MRPL12: variants seen among roughly 807,000 people sequenced by gnomAD.
MRPL12 encodes the protein large ribosomal subunit protein bL12m.
MRPL12 carries 13 observed loss-of-function variants against 21.1 expected under a neutral mutation model. That is an observed-to-expected ratio of 0.62 (90% CI 0.40 to 0.98). The LOEUF (loss-of-function observed/expected upper bound fraction) is 0.98, where lower values mean the gene tolerates loss of function less well. MRPL12 is among the 50% of genes least tolerant of loss of function. The probability of loss-of-function intolerance (pLI) is 0.00; values close to 1 mark genes in which losing one functional copy is unlikely to be tolerated. For missense variants in MRPL12, 251 were observed against 268.6 expected (o/e 0.93, Z 0.46); for synonymous variants, 126 against 115.3 (o/e 1.09, Z -0.60).
At chr17:81,704,607 G>A (rs761914132) in intron 2 of MRPL12, 26 bp from the exon 3 acceptor site, 1 of 1,613,056 alleles carries the variant, frequency 6.2e-7, no homozygotes, top group Non-Finnish European at 8.5e-7. Flanking sequence ...AGGGCCAGCT[G>A]TGGACACTGT....
Position 81,707,506 on chromosome 17 carries a change from CTG to C in MRPL12, c.*269_*270del. On this transcript the variant is annotated 3_prime_UTR_variant, in exon 5 of 5. Coordinates refer to ENST00000333676, the MANE Select transcript of MRPL12 (RefSeq NM_002949.4). ...TCTGGTGGCTGCTGAGAAAAATACA[CTG>C]TGCAGCTCAGTGTGTGGAGTGCCGT... 1 of 431,566 alleles carries C rather than the reference CTG, an allele frequency of 2.3e-6. No individual in the cohort carries two copies. The highest frequency in any genetic ancestry group is 4.1e-5 in the Admixed American group (1 of 24,556). 26.7% of individuals were successfully genotyped at this position (431,566 alleles called of 1,614,324 possible).
At position 81,707,253 on chromosome 17, in the gene MRPL12, A is replaced by T. The variant is rs772984062; in HGVS notation, c.*13A>T. The T allele has an allele frequency of 2.5e-6, 4 of 1,569,216 alleles. No homozygotes were observed. The highest frequency in any genetic ancestry group is 1.8e-4 in the Middle Eastern group (1 of 5,542). On this transcript the variant is annotated 3_prime_UTR_variant, in exon 5 of 5. Coordinates refer to ENST00000333676, the MANE Select transcript of MRPL12 (RefSeq NM_002949.4). ...GGTTCTGGAGTAGCCTCCAGCTCGGAGGACTTGTGTTCAGGGGTCCTGGGC... is the reference window on the plus strand; with the variant it reads ...GGTTCTGGAGTAGCCTCCAGCTCGGTGGACTTGTGTTCAGGGGTCCTGGGC...
At chr17:81,703,862 G>T (rs139527227) in intron 1 of MRPL12, among the ~76,000 whole-genome samples, 57 of 152,360 alleles carry the variant, frequency 3.7e-4, no homozygotes, top group African/African-American at 1.3e-3. Context: ...CGTGGGTGCG[G>T]CGTTTTGCGG....
In MRPL12 at chr17:81,703,450, G is replaced by T; in HGVS notation, c.-52G>T. ...GAATGCCCGGCGGCCGAGGCGGCTA[G>T]AGCGTCGCCTCCTCCCGGGGAACCG... On this transcript the variant is annotated 5_prime_UTR_variant, in exon 1 of 5. The change abolishes the stop of an existing upstream ORF in the 5' untranslated region. Transcript: ENST00000333676. 1 of 1,445,994 alleles carries T rather than the reference G, an allele frequency of 6.9e-7. No individual in the cohort carries two copies. The highest frequency in any genetic ancestry group is 1.3e-5 in the South Asian group (1 of 77,148). The allele number at this position is 1,445,994 out of a possible 1,614,324, so 89.6% of individuals were successfully genotyped here.
rs1487676966 is a variant in MRPL12 at position 81,706,287 on chromosome 17, C to T, written c.346-619C>T. Among the ~76,000 whole-genome samples the T allele has an allele frequency of 5.3e-5, 8 of 152,302 alleles. No individual in the cohort carries two copies. In the South Asian group the frequency reaches 1.2e-3, roughly 24 times the overall value. ...TTTATTTATTTATGAAACCGAGTCT[C>T]ACTCTGTCACCCAGGCTGGAGTGCA... On this transcript the variant is annotated intron_variant, in intron 3 of 4. Coordinates refer to ENST00000333676, the MANE Select transcript of MRPL12 (RefSeq NM_002949.4).
intron 2 of MRPL12, 84 bp downstream of exon 2, chr17:81,704,514 G>A: frequency 1.3e-6 from 2 of 1,581,930 alleles, no homozygotes; most frequent in Non-Finnish European, 1.7e-6. Flanking sequence ...TGGGAGTTTG[G>A]TAAATTGTCA....
rs2037321024 is a variant in MRPL12 at position 81,707,019 on chromosome 17, C to T, written c.459C>T (p.Ile153=). The change falls in exon 4 of 5, where the codon ATC becomes ATT. Residue 153 remains isoleucine (I), a synonymous_variant. Coordinates refer to ENST00000333676, the MANE Select transcript of MRPL12 (RefSeq NM_002949.4). ...VKLIKEIKNY[I]QGINLVQAKK... ...TGATCAAGGAAATCAAGAACTACAT[C>T]CAAGGCATCAACCTCGTCCAGGTCT... is the stretch of plus-strand genomic sequence containing the variant. The T allele has an allele frequency of 1.9e-6, 3 of 1,614,102 alleles. No individual in the cohort carries two copies. Among genetic ancestry groups the T allele is most frequent in the African/African-American group, 1.3e-5 (1 of 75,058 alleles).
chr17:81,705,410 AAG>A (rs1338577893), intron 3 of MRPL12, among the ~76,000 whole-genome samples: 2 of 148,922 alleles, frequency 1.3e-5, no homozygotes, highest in Non-Finnish European at 3.0e-5. Flanking sequence ...AAAAAAAAAA[AAG>A]AGGAAAAAGA....
Position 81,703,467 on chromosome 17 carries a change from G to A in MRPL12, c.-35G>A, listed in dbSNP as rs1487268803. On this transcript the variant is annotated 5_prime_UTR_variant, in exon 1 of 5. Transcript: ENST00000333676. ...GGCGGCTAGAGCGTCGCCTCCTCCC[G>A]GGGAACCGCGTGTGACCTTCCAGCC... 16 of 1,480,850 alleles carry A rather than the reference G, an allele frequency of 1.1e-5. No homozygotes were observed. The South Asian group carries it at 1.8e-4, about 16-fold the overall frequency. 91.7% of individuals were successfully genotyped at this position (1,480,850 alleles called of 1,614,324 possible).
rs1007117373 is a variant in MRPL12 at position 81,704,259 on chromosome 17, T to C, written c.90T>C (p.Cys30=). Residue 30 remains cysteine (C), a synonymous_variant, in exon 2 of 5, where the codon TGT becomes TGC. Transcript: ENST00000333676. The part of the protein sequence containing the change: ...AFRLARRQVP[C]VCAVRHMRSS... The stretch of plus-strand genomic sequence containing the variant: ...TGGGGGCTAGGCGACAGGTGCCATG[T>C]GTCTGTGCCGTGCGACATATGAGGA... 2 of 1,610,430 alleles carry C rather than the reference T, an allele frequency of 1.2e-6. No individual in the cohort carries two copies. The highest frequency in any genetic ancestry group is 1.7e-6 in the Non-Finnish European group (2 of 1,178,934).
At position 81,706,391 on chromosome 17, in the gene MRPL12, C is replaced by T. The variant is rs146398859; in HGVS notation, c.346-515C>T. 6.0e-3 allele frequency among the ~76,000 whole-genome samples: 919 copies of T among 152,238 alleles called. 15 individuals carry two copies. Among genetic ancestry groups the T allele is most frequent in the African/African-American group, 0.021 (888 of 41,536 alleles). On this transcript the variant is annotated intron_variant, in intron 3 of 4. Coordinates refer to ENST00000333676, the MANE Select transcript of MRPL12 (RefSeq NM_002949.4). ...CCTCCCGAGTAGCTGGGATTACAGG[C>T]GCGCACCACTAGAGACAGGGTTTCA...
chr17:81,704,830 C>T, intron 3 of MRPL12, 114 bp downstream of exon 3: 1 of 919,384 alleles, frequency 1.1e-6, no homozygotes, highest in Non-Finnish European at 1.7e-6. Context: ...GCAGCCTGCA[C>T]ACCTGTGCGG....
At chr17:81,703,624 A>T (rs1477612008) in intron 1 of MRPL12, 49 bp downstream of exon 1, 41 of 1,321,908 alleles carry the variant, frequency 3.1e-5, no homozygotes, top group Non-Finnish European at 3.8e-5. Context: ...GTTAGGGGGC[A>T]GCCGGGCACT....
Position 81,707,301 on chromosome 17 carries a change from C to A in MRPL12, c.*61C>A. The A allele has an allele frequency of 6.9e-7, 1 of 1,456,748 alleles. No homozygotes were observed. Among genetic ancestry groups the A allele is most frequent in the South Asian group, 1.3e-5 (1 of 74,204 alleles). The allele number at this position is 1,456,748 out of a possible 1,614,324, so 90.2% of individuals were successfully genotyped here. On this transcript the variant is annotated 3_prime_UTR_variant, in exon 5 of 5. Transcript: ENST00000333676. ...GGCCCCGGGCGAGGTCCCGCCCTCC[C>A]GTGGTCACTGGCTCCGCCCCCAGCA...
At chr17:81,703,693 G>A in intron 1 of MRPL12, 118 bp downstream of exon 1, 2 of 973,874 alleles carry the variant, frequency 2.1e-6, no homozygotes, top group Non-Finnish European at 2.7e-6. Context: ...CGGCCAGGCC[G>A]GGCTTGGGGG....
At position 81,704,433 on chromosome 17, in the gene MRPL12, A is replaced by G; in HGVS notation, c.261+3A>G. 6.2e-7 allele frequency: 1 copy of G among 1,610,540 alleles called. No individual in the cohort carries two copies. On this transcript the variant is annotated splice_donor_region_variant and intron_variant, in intron 2 of 4. Transcript: ENST00000333676. ...CAGACCTCAACGAGCTCCTGAAGGT[A>G]TCGTGAGAGGGTGGCACAGACCCAG...
intron 3 of MRPL12, 62 bp downstream of exon 3, chr17:81,704,778 C>A: frequency 7.3e-7 from 1 of 1,374,514 alleles, no homozygotes; most frequent in Non-Finnish European, 1.0e-6. Context: ...CCTCATGTGC[C>A]GTGGTCCCGT....
intron 1 of MRPL12, 35 bp downstream of exon 1, chr17:81,703,610 G>C: frequency 7.3e-7 from 1 of 1,360,764 alleles, no homozygotes; most frequent in Non-Finnish European, 9.4e-7. Context: ...GGGCCGGCAG[G>C]CGGGTTAGGG....
Position 81,704,673 on chromosome 17 carries a change from G to A in MRPL12, c.302G>A (p.Gly101Asp). ...KIQDVGLVPM[G>D]GVMSGAVPAA... ...CAGGATGTCGGGCTTGTGCCGATGG[G>A]TGGTGTGATGTCTGGGGCTGTCCCT... Residue 101 changes from glycine (G) to aspartate (D), a missense_variant, in exon 3 of 5, where the codon GGT (glycine) becomes GAT (aspartate). Coordinates refer to ENST00000333676, the MANE Select transcript of MRPL12 (RefSeq NM_002949.4). The A allele has an allele frequency of 6.2e-7, 1 of 1,613,926 alleles. No individual in the cohort carries two copies. Among genetic ancestry groups the A allele is most frequent in the Non-Finnish European group, 8.5e-7 (1 of 1,179,994 alleles).
Sources: allele counts gnomAD v4.1 joint callset (sites outside exome capture counted in the v4.1 genomes callset), GRCh38; gene constraint gnomAD v4.1.1; transcripts MANE v1.5; gene names NCBI Gene and HGNC (gene_info 2026-07-23, HGNC 2026-07-21).